ASIP: variants seen among roughly 807,000 people sequenced by gnomAD.
The protein encoded by ASIP is agouti signaling protein.
Under a neutral mutation model 10.3 loss-of-function variants are expected in ASIP, and 11 were observed. The ratio of observed to expected loss-of-function variants is 1.07; its 90% CI spans 0.68 to 1.78. The LOEUF is 1.78. Ranked by LOEUF, ASIP falls within the 40% of genes most tolerant of loss-of-function variation. The pLI is 0.00. For synonymous variants in ASIP, 70 were observed against 70.8 expected (o/e 0.99, Z 0.06); for missense variants, 180 against 169.2 (o/e 1.06, Z -0.35).
intron 1 of ASIP, among the ~76,000 whole-genome samples, chr20:34,207,406 T>G (rs2034944514): frequency 6.6e-6 from 1 of 152,232 alleles, no homozygotes; most frequent in African/African-American, 2.4e-5. Flanking sequence ...GTGAGTTGAG[T>G]TCCTTACATA....
intron 1 of ASIP, among the ~76,000 whole-genome samples, chr20:34,244,699 C>T (rs1375043631): frequency 6.6e-6 from 1 of 152,148 alleles, no homozygotes; most frequent in African/African-American, 2.4e-5. Context: ...CTTCTAATGT[C>T]AAAGAAGTGG....
chr20:34,221,364 C>CG (rs1230422688), intron 1 of ASIP, among the ~76,000 whole-genome samples: 1 of 150,618 alleles, frequency 6.6e-6, no homozygotes, highest in Non-Finnish European at 1.5e-5. Context: ...GGCGACAGAG[C>CG]GAGACTCTGT....
rs2035844846 is a variant in ASIP, at chr20:34,269,181, C to G, written c.*14C>G. 1.3e-6 allele frequency: 2 copies of G among 1,488,232 alleles called. No homozygotes were observed. Among genetic ancestry groups the G allele is most frequent in the Non-Finnish European group, 1.8e-6 (2 of 1,118,576 alleles). 92.2% of individuals were successfully genotyped at this position (1,488,232 alleles called of 1,614,324 possible). On this transcript the variant is annotated 3_prime_UTR_variant, in exon 4 of 4. Transcript: ENST00000374954. ...CTCAACTGCTGAGCGCCCCCACTCCCGGCCGCGAGCAGGCAGGGCTTCGGG... is the reference window on the plus strand; with the variant it reads ...CTCAACTGCTGAGCGCCCCCACTCCGGGCCGCGAGCAGGCAGGGCTTCGGG...
intron 1 of ASIP, among the ~76,000 whole-genome samples, chr20:34,203,857 G>A (rs2034917177): frequency 6.6e-6 from 1 of 152,080 alleles, no homozygotes; most frequent in Admixed American, 6.5e-5. Flanking sequence ...CCAAGTAGCT[G>A]GGATTACAGG....
chr20:34,206,535 A>G (rs1323884846), intron 1 of ASIP, among the ~76,000 whole-genome samples: 1 of 152,178 alleles, frequency 6.6e-6, no homozygotes, highest in Non-Finnish European at 1.5e-5. Flanking sequence ...TTTTTATGGC[A>G]GAATAATATT....
chr20:34,235,571 T>A (rs1022003137), intron 1 of ASIP, among the ~76,000 whole-genome samples: 2 of 152,080 alleles, frequency 1.3e-5, no homozygotes, highest in African/African-American at 4.8e-5. Context: ...GAAGTATATC[T>A]TTCTTAGCAC....
Position 34,269,227 on chromosome 20 carries a change from C to T in ASIP, c.*60C>T. On this transcript the variant is annotated 3_prime_UTR_variant, in exon 4 of 4. Transcript: ENST00000374954. ...TCGGGGACGCGGGGCGCTTCTCGGG[C>T]GGGTGATCCCTAACAGGGCGGCTTC... The T allele has an allele frequency of 7.0e-7, 1 of 1,431,816 alleles. No individual in the cohort carries two copies. The highest frequency in any genetic ancestry group is 9.1e-7 in the Non-Finnish European group (1 of 1,097,074). The allele number at this position is 1,431,816 out of a possible 1,614,324, so 88.7% of individuals were successfully genotyped here.
rs555386480 is a variant in ASIP, at chr20:34,244,018, T to C, written c.-11+2529T>C. On this transcript the variant is annotated intron_variant, in intron 1 of 3. Coordinates refer to ENST00000374954, the MANE Select transcript of ASIP (RefSeq NM_001672.3). The stretch of plus-strand genomic sequence containing the variant: ...AAGCGGAGCTTGCAGTGAGCCGAGA[T>C]TGCGCCACTGCACTCCAGCCTGGGC... Among the ~76,000 whole-genome samples, 12 of 152,268 alleles carry C rather than the reference T, an allele frequency of 7.9e-5. No individual in the cohort carries two copies. The South Asian group carries it at 1.7e-3, about 21-fold the overall frequency.
chr20:34,190,078 A>G (rs1362159125), upstream of ASIP, among the ~76,000 whole-genome samples: 3 of 152,150 alleles, frequency 2.0e-5, no homozygotes, highest in Non-Finnish European at 4.4e-5. Flanking sequence ...CTCTTCACCA[A>G]TAGCCTAGGC....
intron 1 of ASIP, chr20:34,215,155 CA>C (rs2034998999): frequency 6.3e-7 from 1 of 1,595,192 alleles, no homozygotes; most frequent in Non-Finnish European, 8.6e-7. Context: ...TTCAAATAAA[CA>C]GTCACATGCT....
chr20:34,222,718 C>T (rs1390714204), intron 1 of ASIP, among the ~76,000 whole-genome samples: 1 of 151,500 alleles, frequency 6.6e-6, no homozygotes, highest in Non-Finnish European at 1.5e-5. Context: ...GCTGCCATCT[C>T]GGCTCACTGC....
chr20:34,206,142 G>A (rs6059716), intron 1 of ASIP, among the ~76,000 whole-genome samples: 3,012 of 152,028 alleles, frequency 0.02, 104 homozygotes, highest in African/African-American at 0.068. Context: ...ACAGGTGCCC[G>A]CCTCTATACC....
At chr20:34,255,670 C>T (rs950160470) in intron 1 of ASIP, among the ~76,000 whole-genome samples, 23 of 152,106 alleles carry the variant, frequency 1.5e-4, no homozygotes, top group African/African-American at 5.6e-4. Flanking sequence ...TAGGAAAAAC[C>T]AGGCCATACA....
intron 1 of ASIP, among the ~76,000 whole-genome samples, chr20:34,217,615 G>A (rs1048772160): frequency 1.3e-5 from 2 of 151,972 alleles, no homozygotes; most frequent in African/African-American, 4.8e-5. Flanking sequence ...AGGCTGGAGT[G>A]CAGTGGCGCG....
chr20:34,222,230 CT>C (rs2035052366), intron 1 of ASIP, among the ~76,000 whole-genome samples: 3 of 151,720 alleles, frequency 2.0e-5, no homozygotes, highest in African/African-American at 7.3e-5. Context: ...CTCATAGAAC[CT>C]AAAAGAATTT....
chr20:34,219,675 G>C (rs1420824641), intron 1 of ASIP, among the ~76,000 whole-genome samples: 3 of 152,252 alleles, frequency 2.0e-5, no homozygotes, highest in Admixed American at 2.0e-4. Context: ...ACTAGGTTTT[G>C]CTGGGCAAGT....
chr20:34,217,120 T>C (rs1469556696), intron 1 of ASIP, among the ~76,000 whole-genome samples: 3 of 152,048 alleles, frequency 2.0e-5, no homozygotes, highest in African/African-American at 7.3e-5. Context: ...ATCCCTAGAG[T>C]GGAGCCCTTC....
At chr20:34,199,942 C>G (rs2034882051) in intron 1 of ASIP, among the ~76,000 whole-genome samples, 2 of 152,154 alleles carry the variant, frequency 1.3e-5, no homozygotes, top group South Asian at 4.1e-4. Context: ...AGAACTGTAT[C>G]CAAGGCAAGA....
chr20:34,246,187 T>C (rs2035371670), intron 1 of ASIP: 1 of 1,221,464 alleles, frequency 8.2e-7, no homozygotes, highest in East Asian at 2.4e-5. Flanking sequence ...CTCTAGGAAT[T>C]TTGGCCTTAG....
Sources: gnomAD v4.1 joint callset for allele counts (sites outside exome capture counted in the v4.1 genomes callset) on GRCh38, gnomAD v4.1.1 for gene constraint, MANE v1.5 for transcripts, NCBI Gene and HGNC (gene_info 2026-07-23, HGNC 2026-07-21) for gene names.